RBKS: variants seen among roughly 807,000 people sequenced by gnomAD.
RBKS encodes the protein ribokinase.
RBKS carries 33 observed loss-of-function variants against 33.9 expected under a neutral mutation model. That is an observed-to-expected ratio of 0.97 (90% CI 0.74 to 1.30). The LOEUF (loss-of-function observed/expected upper bound fraction) is 1.30, where lower values mean the gene tolerates loss of function less well. RBKS is among the 50% of genes most tolerant of loss of function. The pLI, the probability that RBKS is intolerant of heterozygous loss-of-function variation, is 0.00. For synonymous variants in RBKS, 125 were observed against 143.0 expected, an observed-to-expected ratio of 0.87 and a Z score of 0.90; for missense variants, 361 against 392.6, an observed-to-expected ratio of 0.92 and a Z score of 0.68.
rs570765162 is a variant in RBKS, at chr2:27,879,543, T to C, written c.89+10714A>G. On this transcript the variant is annotated intron_variant, in intron 1 of 7. Transcript: ENST00000302188. ...CTCAACCTGCTTTATTCTTCTACCA[T>C]GGAATGATATAGCAATCTCACCAGA... 7.2e-4 allele frequency among the ~76,000 whole-genome samples: 109 copies of C among 152,270 alleles called. 1 individual carries two copies. In the South Asian group the frequency reaches 0.017, roughly 24 times the overall value.
Position 27,781,801 on chromosome 2 carries a change from G to A in RBKS, c.796-13C>T. The stretch of plus-strand genomic sequence containing the variant: ...TGTCACCAGCACCCTGTAATTGAAA[G>A]CACAGTTTTGAAGATAAGCATGTAG... On this transcript the variant is annotated splice_polypyrimidine_tract_variant and intron_variant, in intron 7 of 7. Transcript: ENST00000302188. 1 of 1,601,268 alleles carries A rather than the reference G, an allele frequency of 6.2e-7. No individual in the cohort carries two copies. The highest frequency in any genetic ancestry group is 1.1e-5 in the South Asian group (1 of 88,936).
intron 4 of RBKS, among the ~76,000 whole-genome samples, chr2:27,845,925 G>A (rs1663611366): frequency 6.6e-6 from 1 of 151,998 alleles, no homozygotes; most frequent in Admixed American, 6.6e-5. Flanking sequence ...AATTAAAACA[G>A]TTGGCAGAAA....
intron 1 of RBKS, chr2:27,861,485 A>G (rs1464899689): frequency 4.2e-6 from 2 of 471,152 alleles, no homozygotes; most frequent in South Asian, 3.1e-5. Context: ...ACTAGAAGTC[A>G]TATATTCCTT....
intron 5 of RBKS, among the ~76,000 whole-genome samples, chr2:27,834,542 T>C (rs1348883788): frequency 1.3e-5 from 2 of 152,228 alleles, no homozygotes; most frequent in Non-Finnish European, 2.9e-5. Flanking sequence ...CTGGAGTTTG[T>C]AGCCTGGCAA....
intron 1 of RBKS, among the ~76,000 whole-genome samples, chr2:27,872,857 A>C (rs1004169797): frequency 1.3e-5 from 2 of 152,192 alleles, no homozygotes; most frequent in African/African-American, 4.8e-5. Flanking sequence ...GAAACATGGC[A>C]AGAAGGAAGC....
rs5830052 is a variant in RBKS at position 27,865,571 on chromosome 2, C to CTT, written c.90-7002_90-7001dup. Among the ~76,000 whole-genome samples the CTT allele has an allele frequency of 2.4e-3, 156 of 63,926 alleles. 2 individuals are homozygous for CTT. Among genetic ancestry groups the CTT allele is most frequent in the South Asian group, 4.7e-3 (7 of 1,482 alleles). The allele number at this position is 63,926 out of a possible 152,430, so 41.9% of individuals were successfully genotyped here. ...TATTCTACCTTCCCTTCTCCTCCTCCTTTTTTTTTTTTTTTTTTTTTTGGT... is the reference window on the plus strand; with the variant it reads ...TATTCTACCTTCCCTTCTCCTCCTCCTTTTTTTTTTTTTTTTTTTTTTTTGGT... On this transcript the variant is annotated intron_variant, in intron 1 of 7. Coordinates refer to ENST00000302188, the MANE Select transcript of RBKS (RefSeq NM_022128.3).
intron 7 of RBKS, among the ~76,000 whole-genome samples, chr2:27,797,635 C>G (rs998852731): frequency 1.3e-5 from 2 of 152,150 alleles, no homozygotes; most frequent in African/African-American, 4.8e-5. Context: ...GGCCATGAAG[C>G]TCCAGTGAGG....
chr2:27,823,149 C>G (rs1678243516), intron 7 of RBKS, among the ~76,000 whole-genome samples: 1 of 152,132 alleles, frequency 6.6e-6, no homozygotes, highest in South Asian at 2.1e-4. Flanking sequence ...CACTCTCTGT[C>G]ATTTGGAGGC....
intron 2 of RBKS, among the ~76,000 whole-genome samples, chr2:27,851,150 T>C (rs550635516): frequency 6.6e-6 from 1 of 152,244 alleles, no homozygotes; most frequent in Admixed American, 6.5e-5. Flanking sequence ...TGGTGTGTTC[T>C]ATTCTTCCAC....
chr2:27,835,949 C>G (rs1678509785), intron 5 of RBKS, among the ~76,000 whole-genome samples: 1 of 152,046 alleles, frequency 6.6e-6, no homozygotes, highest in Non-Finnish European at 1.5e-5. Flanking sequence ...GGCACAGTGG[C>G]TCATGCCTGT....
intron 7 of RBKS, among the ~76,000 whole-genome samples, chr2:27,822,693 T>C (rs1368305886): frequency 2.6e-5 from 4 of 152,258 alleles, no homozygotes; most frequent in South Asian, 2.1e-4. Context: ...TGGCTGCTGC[T>C]GCCTAGTGCC....
chr2:27,782,879 T>G (rs1254456018), intron 7 of RBKS, among the ~76,000 whole-genome samples: 1 of 152,192 alleles, frequency 6.6e-6, no homozygotes, highest in Non-Finnish European at 1.5e-5. Flanking sequence ...GGGTGGGGTT[T>G]CTATGCTCTA....
At chr2:27,859,886 A>G (rs1663937945) in intron 1 of RBKS, among the ~76,000 whole-genome samples, 3 of 152,204 alleles carry the variant, frequency 2.0e-5, no homozygotes, top group Non-Finnish European at 4.4e-5. Context: ...CCTAACAGCC[A>G]GTTTGCAACG....
At chr2:27,804,910 C>G (rs1051423115) in intron 7 of RBKS, among the ~76,000 whole-genome samples, 2 of 151,890 alleles carry the variant, frequency 1.3e-5, no homozygotes, top group African/African-American at 4.8e-5. Context: ...ACCTGTGGTC[C>G]CAGGTACTCT....
intron 2 of RBKS, among the ~76,000 whole-genome samples, chr2:27,855,749 A>G (rs961897576): frequency 6.6e-6 from 1 of 152,182 alleles, no homozygotes. Context: ...TAATGAGGTA[A>G]CTCATTTAAT....
chr2:27,842,557 A>G (rs1663531045), intron 5 of RBKS, among the ~76,000 whole-genome samples: 1 of 152,176 alleles, frequency 6.6e-6, no homozygotes, highest in African/African-American at 2.4e-5. Context: ...GTATGTATGC[A>G]TGTATTTGTA....
At chr2:27,817,530 T>G (rs1182174005) in intron 7 of RBKS, among the ~76,000 whole-genome samples, 1 of 152,136 alleles carries the variant, frequency 6.6e-6, no homozygotes, top group Non-Finnish European at 1.5e-5. Context: ...TACCCAAGAC[T>G]GGGTAATTTA....
At chr2:27,838,695 C>A (rs1663376154) in intron 5 of RBKS, among the ~76,000 whole-genome samples, 1 of 152,176 alleles carries the variant, frequency 6.6e-6, no homozygotes, top group Admixed American at 6.5e-5. Context: ...AAGAAGAATG[C>A]AAATCTGTAA....
At chr2:27,799,218 A>T (rs919775751) in intron 7 of RBKS, among the ~76,000 whole-genome samples, 3 of 152,240 alleles carry the variant, frequency 2.0e-5, no homozygotes, top group African/African-American at 7.2e-5. Context: ...AATGATGGGT[A>T]TGAAGTGTAG....
Sources: allele counts gnomAD v4.1 joint callset (sites outside exome capture counted in the v4.1 genomes callset), GRCh38; gene constraint gnomAD v4.1.1; transcripts MANE v1.5; gene names NCBI Gene and HGNC (gene_info 2026-07-23, HGNC 2026-07-21).